GABRG3: variants seen among roughly 807,000 people sequenced by gnomAD.
GABRG3 encodes gamma-aminobutyric acid receptor subunit gamma-3.
A neutral mutation model predicts 48.8 loss-of-function variants in GABRG3; 25 were observed. The observed-to-expected ratio is 0.51, with a 90% CI of 0.37 to 0.72. GABRG3 has a LOEUF of 0.72. GABRG3 is among the 30% of genes least tolerant of loss of function. The pLI, the probability that GABRG3 is intolerant of heterozygous loss-of-function variation, is 0.00. For synonymous variants in GABRG3, 227 were observed against 217.6 expected (o/e 1.04, Z -0.38); for missense variants, 394 against 577.9 (o/e 0.68, Z 3.26).
chr15:27,414,337 C>G (rs1887881924), intron 5 of GABRG3, among the ~76,000 whole-genome samples: 1 of 152,080 alleles, frequency 6.6e-6, no homozygotes, highest in African/African-American at 2.4e-5. Flanking sequence ...TCTCAGGTCA[C>G]CTCTGTGGGC....
chr15:27,129,776 A>T (rs1897884923), intron 3 of GABRG3, among the ~76,000 whole-genome samples: 1 of 148,932 alleles, frequency 6.7e-6, no homozygotes. Flanking sequence ...TGTAGTTTTG[A>T]TTTGCATTTT....
intron 3 of GABRG3, among the ~76,000 whole-genome samples, chr15:27,039,375 G>A (rs546744961): frequency 7.2e-5 from 11 of 152,294 alleles, no homozygotes; most frequent in Admixed American, 4.6e-4. Flanking sequence ...CAGGAACACT[G>A]GGCTTCCTGC....
rs149800470 is a variant in GABRG3, at chr15:27,248,843, G to A, written c.271-77966G>A. 6.3e-3 allele frequency among the ~76,000 whole-genome samples: 933 copies of A among 149,246 alleles called. 7 individuals are homozygous for A. The highest frequency in any genetic ancestry group is 0.022 in the African/African-American group (888 of 40,528). On this transcript the variant is annotated intron_variant, in intron 3 of 9. Transcript: ENST00000615808. ...AGAGAGAGAGAGAGAGAGACAGAGA[G>A]AAGCTGCTGTGGCTCTTGAAGAGGG...
rs565804923 is a variant in GABRG3 at position 27,522,373 on chromosome 15, A to G, written c.865+2249A>G. 2.0e-5 allele frequency among the ~76,000 whole-genome samples: 3 copies of G among 152,094 alleles called. No homozygotes were observed. In the East Asian group the frequency reaches 5.8e-4, roughly 29 times the overall value. On this transcript the variant is annotated intron_variant, in intron 7 of 9. Transcript: ENST00000615808. Reference sequence around the variant, plus strand: ...CTAATTAGGTTAATAGAAATAATCAATAGAAAAATGGATTTACAAGAAGTA... The same window carrying G: ...CTAATTAGGTTAATAGAAATAATCAGTAGAAAAATGGATTTACAAGAAGTA...
intron 3 of GABRG3, among the ~76,000 whole-genome samples, chr15:27,034,570 G>C (rs549464079): frequency 3.9e-5 from 6 of 152,158 alleles, no homozygotes; most frequent in African/African-American, 1.4e-4. Flanking sequence ...CACAAGCTTT[G>C]TGGGAATGAT....
chr15:27,044,092 G>A (rs996665684), intron 3 of GABRG3, among the ~76,000 whole-genome samples: 12 of 152,214 alleles, frequency 7.9e-5, no homozygotes, highest in Admixed American at 7.2e-4. Flanking sequence ...GAGGGGAGGG[G>A]AGGATGTTTT....
At chr15:27,083,149 A>G (rs1415598769) in intron 3 of GABRG3, among the ~76,000 whole-genome samples, 1 of 152,206 alleles carries the variant, frequency 6.6e-6, no homozygotes, top group East Asian at 1.9e-4. Context: ...GCATAACACA[A>G]ATGAGGCAGG....
chr15:27,391,226 A>C (rs933110734), intron 5 of GABRG3, among the ~76,000 whole-genome samples: 5 of 152,328 alleles, frequency 3.3e-5, no homozygotes, highest in Admixed American at 6.5e-5. Context: ...GCTTTATTAT[A>C]GTTCTATTAC....
chr15:27,316,821 G>C (rs1281455967), intron 3 of GABRG3, among the ~76,000 whole-genome samples: 4 of 152,028 alleles, frequency 2.6e-5, no homozygotes, highest in Non-Finnish European at 4.4e-5. Context: ...GGTGGATTTT[G>C]GTGTGGTTTT....
chr15:26,971,702 G>GCGGGC, intron 1 of GABRG3, 114 bp downstream of exon 1: 12 of 1,240,270 alleles, frequency 9.7e-6, no homozygotes, highest in Non-Finnish European at 1.3e-5. Context: ...CTGCGGCACG[G>GCGGGC]CGGGCCGGGA....
At chr15:27,163,087 C>T (rs1887250808) in intron 3 of GABRG3, among the ~76,000 whole-genome samples, 2 of 152,046 alleles carry the variant, frequency 1.3e-5, no homozygotes, top group South Asian at 4.1e-4. Context: ...CCTACATTAC[C>T]TCTCAGCTCC....
At chr15:27,520,354 T>C (rs868344606) in intron 7 of GABRG3, among the ~76,000 whole-genome samples, 2 of 151,880 alleles carry the variant, frequency 1.3e-5, no homozygotes, top group Admixed American at 6.6e-5. Flanking sequence ...TCACAGTAAA[T>C]CCATTGTGAT....
At chr15:27,188,830 A>G (rs1289729122) in intron 3 of GABRG3, among the ~76,000 whole-genome samples, 1 of 152,052 alleles carries the variant, frequency 6.6e-6, no homozygotes, top group Non-Finnish European at 1.5e-5. Context: ...GGTAAAGCCT[A>G]GGTTTTCTTC....
intron 5 of GABRG3, among the ~76,000 whole-genome samples, chr15:27,332,652 C>T (rs1381438062): frequency 6.6e-6 from 1 of 152,176 alleles, no homozygotes; most frequent in Non-Finnish European, 1.5e-5. Context: ...TATTTTTCCA[C>T]TTAAAAATTT....
At chr15:27,356,933 T>C (rs1207276962) in intron 5 of GABRG3, among the ~76,000 whole-genome samples, 1 of 152,218 alleles carries the variant, frequency 6.6e-6, no homozygotes, top group African/African-American at 2.4e-5. Context: ...CCACGTTAAT[T>C]CTAGGTGATG....
chr15:27,066,322 G>C (rs1224135869), intron 3 of GABRG3, among the ~76,000 whole-genome samples: 1 of 152,174 alleles, frequency 6.6e-6, no homozygotes, highest in Admixed American at 6.5e-5. Flanking sequence ...TCTTGAAGTT[G>C]TGTGGCCATT....
chr15:27,298,765 C>T (rs1269194694), intron 3 of GABRG3, among the ~76,000 whole-genome samples: 1 of 151,830 alleles, frequency 6.6e-6, no homozygotes, highest in Non-Finnish European at 1.5e-5. Context: ...TATATATGTG[C>T]CATGGTGGTT....
At chr15:27,033,095 T>G (rs1896114289) in intron 3 of GABRG3, among the ~76,000 whole-genome samples, 1 of 152,246 alleles carries the variant, frequency 6.6e-6, no homozygotes, top group Admixed American at 6.5e-5. Context: ...TGGTTGGCTT[T>G]CTTCTCTGAC....
intron 2 of GABRG3, among the ~76,000 whole-genome samples, chr15:27,011,772 T>C (rs1432376835): frequency 1.3e-5 from 2 of 149,940 alleles, no homozygotes; most frequent in African/African-American, 2.5e-5. Context: ...GGCGTGAACC[T>C]GGGAGGCGGA....
Sources: allele counts gnomAD v4.1 joint callset (sites outside exome capture counted in the v4.1 genomes callset), GRCh38; gene constraint gnomAD v4.1.1; transcripts MANE v1.5; gene names NCBI Gene and HGNC (gene_info 2026-07-23, HGNC 2026-07-21).